The following KDM4C variants were observed in gnomAD, a reference collection of about 807,000 sequenced individuals.
KDM4C encodes the protein lysine-specific demethylase 4C.
In KDM4C, 81 loss-of-function variants were observed where a neutral mutation model predicts 129.3. The observed-to-expected ratio is 0.63, with a 90% CI of 0.52 to 0.75. The LOEUF (loss-of-function observed/expected upper bound fraction) is 0.75, where lower values mean the gene tolerates loss of function less well. KDM4C is among the 30% of genes least tolerant of loss of function. The pLI is 0.00. For synonymous variants in KDM4C, 573 were observed against 456.1 expected (o/e 1.26, Z -3.26); for missense variants, 1,457 against 1,304.0 (o/e 1.12, Z -1.81).
At chr9:6,895,070 A>G (rs1846649432) in intron 8 of KDM4C, among the ~76,000 whole-genome samples, 1 of 152,158 alleles carries the variant, frequency 6.6e-6, no homozygotes, top group African/African-American at 2.4e-5. Flanking sequence ...AACTGAATGT[A>G]TTTGAGATTT....
intron 15 of KDM4C, among the ~76,000 whole-genome samples, chr9:7,029,433 A>G (rs761607407): frequency 1.3e-5 from 2 of 151,962 alleles, no homozygotes; most frequent in African/African-American, 2.4e-5. Context: ...TTGATAACCT[A>G]AATGTTTACC....
At chr9:7,060,774 C>G (rs1831545205) in intron 17 of KDM4C, among the ~76,000 whole-genome samples, 1 of 152,022 alleles carries the variant, frequency 6.6e-6, no homozygotes, top group African/African-American at 2.4e-5. Context: ...GCCACTGTGC[C>G]TGGCCAGGAT....
At chr9:6,984,561 G>A (rs922718389) in intron 10 of KDM4C, among the ~76,000 whole-genome samples, 157 bp downstream of exon 10, 1 of 152,090 alleles carries the variant, frequency 6.6e-6, no homozygotes, top group African/African-American at 2.4e-5. Flanking sequence ...TAGTCCCAGG[G>A]AATATTGTAA....
chr9:7,117,259 A>G (rs1839003006), intron 18 of KDM4C, among the ~76,000 whole-genome samples: 1 of 152,182 alleles, frequency 6.6e-6, no homozygotes, highest in Admixed American at 6.5e-5. Context: ...TTGGTGGTAC[A>G]GAAAATCTGT....
chr9:6,918,651 C>A (rs188930883), intron 8 of KDM4C, among the ~76,000 whole-genome samples: 1 of 152,242 alleles, frequency 6.6e-6, no homozygotes, highest in Non-Finnish European at 1.5e-5. Flanking sequence ...TGTATGTGTT[C>A]CCCCTTCTCT....
chr9:6,771,313 T>A (rs190181391), intron 1 of KDM4C, among the ~76,000 whole-genome samples: 79 of 151,976 alleles, frequency 5.2e-4, no homozygotes, highest in African/African-American at 9.7e-4. Flanking sequence ...TCAATTTTTT[T>A]AATTTATTTA....
intron 15 of KDM4C, among the ~76,000 whole-genome samples, chr9:7,020,886 G>T (rs1294080618): frequency 6.7e-6 from 1 of 149,312 alleles, no homozygotes; most frequent in Non-Finnish European, 1.5e-5. Context: ...ACCTTGCTGT[G>T]TAGCAAATAC....
intron 1 of KDM4C, among the ~76,000 whole-genome samples, chr9:6,742,390 C>T (rs1416466405): frequency 1.3e-5 from 2 of 152,046 alleles, no homozygotes; most frequent in Non-Finnish European, 2.9e-5. Flanking sequence ...TCATTTGGAT[C>T]TGTCTTTTTT....
chr9:7,075,773 T>G (rs1833838514), intron 17 of KDM4C, among the ~76,000 whole-genome samples: 1 of 151,944 alleles, frequency 6.6e-6, no homozygotes, highest in African/African-American at 2.4e-5. Context: ...AGAGGGAGAC[T>G]CCATCTCCTG....
chr9:6,721,977 C>T (rs1033074678), intron 1 of KDM4C, among the ~76,000 whole-genome samples: 1 of 152,170 alleles, frequency 6.6e-6, no homozygotes, highest in South Asian at 2.1e-4. Context: ...TTGCCTTGAC[C>T]TCCCAAAGAT....
chr9:7,172,295 G>A (rs1845044311), intron 21 of KDM4C, among the ~76,000 whole-genome samples: 1 of 152,104 alleles, frequency 6.6e-6, no homozygotes, highest in Non-Finnish European at 1.5e-5. Context: ...ATTGTGTGGG[G>A]TTCTTTTCCA....
intron 19 of KDM4C, among the ~76,000 whole-genome samples, chr9:7,147,243 C>T (rs1458738767): frequency 6.6e-6 from 1 of 152,198 alleles, no homozygotes; most frequent in Non-Finnish European, 1.5e-5. Context: ...GGAAGCAGTA[C>T]ATGCATCACT....
chr9:6,803,660 C>T (rs1175615041), intron 2 of KDM4C, among the ~76,000 whole-genome samples: 2 of 150,910 alleles, frequency 1.3e-5, no homozygotes, highest in Non-Finnish European at 2.9e-5. Flanking sequence ...GCCTGTAATT[C>T]CAGCACTTTG....
At chr9:7,021,935 T>G (rs561742349) in intron 15 of KDM4C, among the ~76,000 whole-genome samples, 1 of 152,340 alleles carries the variant, frequency 6.6e-6, no homozygotes, top group African/African-American at 2.4e-5. Context: ...TGTATATTCT[T>G]GTCATCTTTG....
chr9:6,870,085 C>G (rs1047237135), intron 5 of KDM4C, among the ~76,000 whole-genome samples: 2 of 152,132 alleles, frequency 1.3e-5, no homozygotes, highest in African/African-American at 4.8e-5. Context: ...AAATTAACTA[C>G]TTCAGGAATT....
At chr9:7,143,478 G>A (rs1174644413) in intron 19 of KDM4C, among the ~76,000 whole-genome samples, 2 of 152,200 alleles carry the variant, frequency 1.3e-5, no homozygotes, top group African/African-American at 4.8e-5. Context: ...TCCTTGATGT[G>A]ATTCTGAACC....
At chr9:6,736,949 G>A (rs1190058967) in intron 1 of KDM4C, among the ~76,000 whole-genome samples, 1 of 151,346 alleles carries the variant, frequency 6.6e-6, no homozygotes, top group Non-Finnish European at 1.5e-5. Flanking sequence ...TACTTGGGAG[G>A]CGGAGGCACA....
chr9:7,169,969 G>A (rs980969316), intron 21 of KDM4C, 79 bp downstream of exon 21: 2 of 1,602,264 alleles, frequency 1.2e-6, no homozygotes, highest in Admixed American at 1.7e-5. Flanking sequence ...AGCCCAGCAG[G>A]AAACATACTT....
chr9:6,987,845 C>G (rs1475901065), intron 11 of KDM4C, among the ~76,000 whole-genome samples: 3 of 151,830 alleles, frequency 2.0e-5, no homozygotes, highest in African/African-American at 4.8e-5. Context: ...AAATAGCATT[C>G]ACATACTAAT....
Sources: allele counts gnomAD v4.1 joint callset (sites outside exome capture counted in the v4.1 genomes callset), GRCh38; gene constraint gnomAD v4.1.1; transcripts MANE v1.5; gene names NCBI Gene and HGNC (gene_info 2026-07-23, HGNC 2026-07-21).